PLPPR1: variants seen among roughly 807,000 people sequenced by gnomAD.
PLPPR1 encodes the protein phospholipid phosphatase related 1.
Under a neutral mutation model 33.1 loss-of-function variants are expected in PLPPR1, and 10 were observed. The observed-to-expected ratio is 0.30, with a 90% CI of 0.19 to 0.51. The LOEUF is 0.51. Ranked by LOEUF, PLPPR1 falls within the 20% of genes least tolerant of loss-of-function variation. PLPPR1 has a pLI of 0.97. For missense variants in PLPPR1, 304 were observed against 408.1 expected, an observed-to-expected ratio of 0.74 and a Z score of 2.20; for synonymous variants, 151 against 151.0, an observed-to-expected ratio of 1.00 and a Z score of 0.00.
intron 4 of PLPPR1, 74 bp from the exon 5 acceptor site, chr9:101,309,137 C>T: frequency 6.7e-7 from 1 of 1,497,564 alleles, no homozygotes. Context: ...ACTCTCACCG[C>T]TGTTTTCTCT....
chr9:101,283,971 G>A (rs1828345910), intron 3 of PLPPR1, among the ~76,000 whole-genome samples: 1 of 152,056 alleles, frequency 6.6e-6, no homozygotes, highest in African/African-American at 2.4e-5. Flanking sequence ...ATCAAAAGAT[G>A]AAAGATAAAT....
rs1381272188 is a variant in PLPPR1 at position 101,312,813 on chromosome 9, A to G, written c.652A>G (p.Thr218Ala). ...CCTATTCCAGATGTATATTACAAGC[A>G]CAATCAAGACGAAGAGCAGTCGACT... ...ALYATMYITSTIKTKSSRLAK... is the reference protein window; with the variant it reads ...ALYATMYITSAIKTKSSRLAK... The change falls in exon 6 of 8, where the codon ACA (threonine) becomes GCA (alanine). Residue 218 changes from threonine to alanine, a missense_variant. By Grantham distance (58) the Thr-to-Ala change is moderately conservative (BLOSUM62 0). Transcript: ENST00000374874. 4 of 1,614,110 alleles carry G rather than the reference A, an allele frequency of 2.5e-6. No homozygotes were observed. Among genetic ancestry groups the G allele is most frequent in the African/African-American group, 1.3e-5 (1 of 75,010 alleles).
At chr9:101,288,883 C>A (rs1828442734) in intron 4 of PLPPR1, among the ~76,000 whole-genome samples, 1 of 152,210 alleles carries the variant, frequency 6.6e-6, no homozygotes, top group Admixed American at 6.5e-5. Context: ...CCCAGCCCCA[C>A]AAAGCTACCA....
chr9:101,147,561 C>A (rs1191436069), intron 1 of PLPPR1, among the ~76,000 whole-genome samples: 1 of 151,498 alleles, frequency 6.6e-6, no homozygotes. Context: ...AGGAAATGGA[C>A]AAAGAGAAAT....
At chr9:101,156,818 A>C (rs143700105) in intron 1 of PLPPR1, among the ~76,000 whole-genome samples, 3,042 of 152,250 alleles carry the variant, frequency 0.02, 45 homozygotes, top group Middle Eastern at 0.061. Flanking sequence ...TGAGTTCAAA[A>C]ACTAAAGACA....
intron 2 of PLPPR1, among the ~76,000 whole-genome samples, chr9:101,236,586 C>G (rs1827304370): frequency 6.6e-6 from 1 of 150,568 alleles, no homozygotes; most frequent in African/African-American, 2.4e-5. Context: ...CCATAATACA[C>G]TTGAAAAAAT....
intron 1 of PLPPR1, among the ~76,000 whole-genome samples, chr9:101,137,005 T>TA (rs1318781041): frequency 2.6e-5 from 4 of 152,276 alleles, no homozygotes; most frequent in African/African-American, 9.6e-5. Context: ...TGTTTGTAAC[T>TA]AAAAAAATGA....
chr9:101,180,131 TATATATATATATACACAC>T (rs1564167572), intron 1 of PLPPR1, among the ~76,000 whole-genome samples: 40 of 37,910 alleles, frequency 1.1e-3, no homozygotes, highest in African/African-American at 4.7e-3. Context: ...TATATATATA[TATATATATATATACACAC>T]ACACACACAC....
chr9:101,159,733 C>G (rs1831748889), intron 1 of PLPPR1, among the ~76,000 whole-genome samples: 1 of 152,200 alleles, frequency 6.6e-6, no homozygotes, highest in Admixed American at 6.5e-5. Context: ...TGATAAATCA[C>G]TTCCACAAAT....
At chr9:101,285,330 G>A (rs558685089) in intron 3 of PLPPR1, among the ~76,000 whole-genome samples, 2 of 151,532 alleles carry the variant, frequency 1.3e-5, no homozygotes, top group East Asian at 3.9e-4. Context: ...ATCTACCTAA[G>A]GGCATTATAA....
At chr9:101,148,023 C>A (rs2118644255) in intron 1 of PLPPR1, among the ~76,000 whole-genome samples, 1 of 152,260 alleles carries the variant, frequency 6.6e-6, no homozygotes, top group East Asian at 1.9e-4. Context: ...GGAGAGGGTC[C>A]TACATGTGTG....
At chr9:101,154,375 T>G (rs193265472) in intron 1 of PLPPR1, among the ~76,000 whole-genome samples, 2 of 152,316 alleles carry the variant, frequency 1.3e-5, no homozygotes, top group East Asian at 3.9e-4. Flanking sequence ...TTAATTATTG[T>G]CTCAATTTCA....
At chr9:101,266,999 T>A (rs1828010736) in intron 2 of PLPPR1, among the ~76,000 whole-genome samples, 1 of 152,186 alleles carries the variant, frequency 6.6e-6, no homozygotes, top group Non-Finnish European at 1.5e-5. Flanking sequence ...CTATTCCCAT[T>A]CAGGTATCTC....
chr9:101,251,370 A>G (rs2118865760), intron 2 of PLPPR1, among the ~76,000 whole-genome samples: 1 of 152,210 alleles, frequency 6.6e-6, no homozygotes, highest in African/African-American at 2.4e-5. Context: ...ATGTTGTGAG[A>G]TTGCTCTGGA....
At chr9:101,262,741 C>T (rs923312368) in intron 2 of PLPPR1, among the ~76,000 whole-genome samples, 5 of 152,172 alleles carry the variant, frequency 3.3e-5, no homozygotes, top group African/African-American at 1.2e-4. Flanking sequence ...ATAGCAAAGA[C>T]TTGGAACCAA....
At chr9:101,178,240 G>C (rs56238175) in intron 1 of PLPPR1, among the ~76,000 whole-genome samples, 1 of 152,132 alleles carries the variant, frequency 6.6e-6, no homozygotes, top group Non-Finnish European at 1.5e-5. Flanking sequence ...GAGGTTACAC[G>C]TGGGCTCAGC....
chr9:101,032,722 T>C (rs369244511), intron 1 of PLPPR1, among the ~76,000 whole-genome samples: 75 of 152,210 alleles, frequency 4.9e-4, no homozygotes, highest in African/African-American at 1.7e-3. Flanking sequence ...TCCAACGTGA[T>C]CAACTGACTT....
intron 1 of PLPPR1, among the ~76,000 whole-genome samples, chr9:101,115,833 T>A (rs1831111724): frequency 6.6e-6 from 1 of 152,278 alleles, no homozygotes; most frequent in African/African-American, 2.4e-5. Flanking sequence ...CTTTCCTTAT[T>A]CTCATAGAAT....
Position 101,202,626 on chromosome 9 carries a change from G to C in PLPPR1, c.63+17069G>C, listed in dbSNP as rs568969915. On this transcript the variant is annotated intron_variant, in intron 2 of 7. Coordinates refer to ENST00000374874, the MANE Select transcript of PLPPR1 (RefSeq NM_207299.2). Reference sequence around the variant, plus strand: ...GTAATCCCAGAAAGTACTATAGAGAGCACAGAAATGGAAAAGAAATGAAGC... The same window carrying C: ...GTAATCCCAGAAAGTACTATAGAGACCACAGAAATGGAAAAGAAATGAAGC... 1.1e-3 allele frequency among the ~76,000 whole-genome samples: 170 copies of C among 152,282 alleles called. 1 individual carries two copies. Among genetic ancestry groups the C allele is most frequent in the Non-Finnish European group, 1.5e-3 (101 of 68,024 alleles).
Sources: gnomAD v4.1 joint callset for allele counts (sites outside exome capture counted in the v4.1 genomes callset) on GRCh38, gnomAD v4.1.1 for gene constraint, MANE v1.5 for transcripts, NCBI Gene and HGNC (gene_info 2026-07-23, HGNC 2026-07-21) for gene names.